Variants in KMT2D observed in about 807,000 individuals in gnomAD.
KMT2D encodes histone-lysine N-methyltransferase 2D.
Under a neutral mutation model 512.7 loss-of-function variants are expected in KMT2D, and 55 were observed. The ratio of observed to expected loss-of-function variants is 0.11; its 90% CI spans 0.09 to 0.13. The LOEUF is 0.13. Ranked by LOEUF, KMT2D falls within the 10% of genes least tolerant of loss-of-function variation. The pLI is 1.00. For missense variants in KMT2D, 6,061 were observed against 7,127.9 expected, an observed-to-expected ratio of 0.85 and a Z score of 5.39; for synonymous variants, 2,995 against 2,904.0, an observed-to-expected ratio of 1.03 and a Z score of -1.01.
Position 49,019,239 on chromosome 12 carries a change from A to G in KMT2D, c.*2541T>C. 2 of 889,672 alleles carry G rather than the reference A, an allele frequency of 2.2e-6. No individual in the cohort carries two copies. The highest frequency in any genetic ancestry group is 2.8e-6 in the Non-Finnish European group (2 of 718,704). 55.1% of individuals were successfully genotyped at this position (889,672 alleles called of 1,614,324 possible). Reference sequence around the variant, plus strand: ...ACAAAATAAAGTCTTCACGGGATTCACACTTGTCAGCGATTTATTTTTTAA... The same window carrying G: ...ACAAAATAAAGTCTTCACGGGATTCGCACTTGTCAGCGATTTATTTTTTAA... On this transcript the variant is annotated 3_prime_UTR_variant, in exon 55 of 55. Transcript: ENST00000301067.
In KMT2D at chr12:49,026,784, T is replaced by C. The variant is rs1403030708; in HGVS notation, c.15182A>G (p.Asn5061Ser). ...CACCTCCGTGGACCAAAGGGCACAG[T>C]TGAGGTGCACCCACAGGTCCAGGTC... Reference protein sequence around the residue: ...NLDLDLWVHLNCALWSTEVYE... With the variant: ...NLDLDLWVHLSCALWSTEVYE... Residue 5061 changes from asparagine (N) to serine (S), a missense_variant, in exon 49 of 55, where the codon AAC (asparagine) becomes AGC (serine). Asn to Ser is a conservative substitution (Grantham distance 46). This residue lies in a region of KMT2D where 14 missense variants were observed against 53.4 expected (regional missense o/e 0.26). Coordinates refer to ENST00000301067, the MANE Select transcript of KMT2D (RefSeq NM_003482.4). This position sits in a 1 kb window ranked among gnomAD's most constrained non-coding sequence, Gnocchi z 9.6. 6.2e-6 allele frequency: 10 copies of C among 1,612,720 alleles called. No individual in the cohort carries two copies. Among genetic ancestry groups the C allele is most frequent in the Non-Finnish European group, 7.6e-6 (9 of 1,178,780 alleles).
chr12:49,050,002 G>A lies in KMT2D; in HGVS notation c.3586C>T (p.Pro1196Ser), dbSNP rs2120644176. The A allele has an allele frequency of 6.2e-7, 1 of 1,613,948 alleles. No individual in the cohort carries two copies. Among genetic ancestry groups the A allele is most frequent in the Non-Finnish European group, 8.5e-7 (1 of 1,179,896 alleles). ...ATGTCGGATTTGATGAGAGTGGGTG[G>A]TGTGGGGGCCACCGGTGCACGTGGC... Reference protein sequence around the residue: ...EEPRAPVAPTPPTLIKSDIVN... With the variant: ...EEPRAPVAPTSPTLIKSDIVN... Residue 1196 changes from proline to serine, a missense_variant, in exon 12 of 55, where the codon CCA (proline) becomes TCA (serine). Around this residue, in one of 16 missense-constraint regions of KMT2D, gnomAD observed 447 missense variants for 500.1 expected, o/e 0.89. Transcript: ENST00000301067.
In KMT2D at chr12:49,050,543, G is replaced by A. The variant is rs370440607; in HGVS notation, c.3045C>T (p.Ile1015=). 3.9e-5 allele frequency: 62 copies of A among 1,606,290 alleles called. No individual in the cohort carries two copies. In the African/African-American group the frequency reaches 8.0e-4, roughly 21 times the overall value. The change falls in exon 12 of 55, where the codon ATC becomes ATT. Residue 1015 remains isoleucine (I), a synonymous_variant. Transcript: ENST00000301067. ...ACTGAGGAGGAAGGGGCTCCATCAG[G>A]ATGGGAGAAGCCGGCCCCACTGGGG... ...PGSPVGPASP[I]LMEPLPPQCS...
Position 49,031,791 on chromosome 12 carries a change from A to T in KMT2D, c.12914T>A (p.Val4305Asp), listed in dbSNP as rs2120424560. The T allele has an allele frequency of 6.2e-7, 1 of 1,607,078 alleles. No individual in the cohort carries two copies. The highest frequency in any genetic ancestry group is 8.5e-7 in the Non-Finnish European group (1 of 1,176,260). ...ALSTGPVLGPVHPTPPPSSPQ... is the reference protein window; with the variant it reads ...ALSTGPVLGPDHPTPPPSSPQ... ...GCTGGATGGTGGAGGTGTGGGATGGACAGGGCCAAGGACTGGTCCTGTAGA... is the reference window on the plus strand; with the variant it reads ...GCTGGATGGTGGAGGTGTGGGATGGTCAGGGCCAAGGACTGGTCCTGTAGA... The change falls in exon 40 of 55, where the codon GTC becomes GAC. Residue 4305 changes from valine to aspartate, a missense_variant. Transcript: ENST00000301067.
Position 49,034,939 on chromosome 12 carries a change from G to A in KMT2D, c.10232-4C>T, listed in dbSNP as rs886043599. ...TCTGCAGCAAATTTGTCCAGGTCTGGAGAGGGGAGAACCAAGTGAGCTGGG... is the reference window on the plus strand; with the variant it reads ...TCTGCAGCAAATTTGTCCAGGTCTGAAGAGGGGAGAACCAAGTGAGCTGGG... On this transcript the variant is annotated splice_polypyrimidine_tract_variant and splice_region_variant and intron_variant, in intron 35 of 54. Coordinates refer to ENST00000301067, the MANE Select transcript of KMT2D (RefSeq NM_003482.4). The A allele has an allele frequency of 2.5e-6, 4 of 1,613,902 alleles. No individual in the cohort carries two copies. Among genetic ancestry groups the A allele is most frequent in the Non-Finnish European group, 3.4e-6 (4 of 1,179,856 alleles).
rs375538882 is a variant in KMT2D, at chr12:49,051,373, CAGGTGTGGCTCCTCAGCCTGCGGAGAT to C, written c.2283_2309del (p.Ala765_Gln773del). 7.1e-4 allele frequency: 1,143 copies of C among 1,610,820 alleles called. 11 individuals are homozygous for C. The African/African-American group carries it at 0.012, about 16-fold the overall frequency. Reference sequence around the variant, plus strand: ...GGCATGGCTCCTCAGGCTGGGGGGACAGGTGTGGCTCCTCAGCCTGCGGAGATAGGTGTGGCTCCTCAGGCCGGGGGG... The same window carrying C: ...GGCATGGCTCCTCAGGCTGGGGGGACAGGTGTGGCTCCTCAGGCCGGGGGG... On this transcript the variant is annotated inframe_deletion, in exon 11 of 55. Transcript: ENST00000301067.
chr12:49,039,043 AC>A lies in KMT2D; in HGVS notation c.8367-55del, dbSNP rs1943361187. ...TGAAATCAGATGAAAAGGAGCAAGA[AC>A]ATGGGCTTAGGGCAGTGAGGAAGGA... is the stretch of plus-strand genomic sequence containing the variant. On this transcript the variant is annotated intron_variant, in intron 34 of 54. Coordinates refer to ENST00000301067, the MANE Select transcript of KMT2D (RefSeq NM_003482.4). This position sits in a 1 kb window ranked among gnomAD's most constrained non-coding sequence, Gnocchi z 5.0. 22 of 1,540,940 alleles carry A rather than the reference AC, an allele frequency of 1.4e-5. No homozygotes were observed. The highest frequency in any genetic ancestry group is 1.9e-5 in the Admixed American group (1 of 51,728).
rs1555187179 is a variant in KMT2D at position 49,030,755 on chromosome 12, A to T, written c.13685T>A (p.Leu4562Gln). Reference protein sequence around the residue: ...LKQLKQELSLLPLTEPAITAN... With the variant: ...LKQLKQELSLQPLTEPAITAN... The stretch of plus-strand genomic sequence containing the variant: ...GGTGATAGCAGGCTCCGTTAGGGGC[A>T]GCAGGGACAGCTCCTACAAGGGGCA... Residue 4562 changes from leucine to glutamine, a missense_variant, in exon 42 of 55, where the codon CTG (leucine) becomes CAG (glutamine). Transcript: ENST00000301067. The T allele has an allele frequency of 6.2e-7, 1 of 1,613,548 alleles. No homozygotes were observed. The highest frequency in any genetic ancestry group is 8.5e-7 in the Non-Finnish European group (1 of 1,179,860).
In KMT2D at chr12:49,053,048, CA is replaced by C; in HGVS notation, c.978del (p.Cys326TrpfsTer8). 1 of 1,614,050 alleles carries C rather than the reference CA, an allele frequency of 6.2e-7. No individual in the cohort carries two copies. Among genetic ancestry groups the C allele is most frequent in the Non-Finnish European group, 8.5e-7 (1 of 1,179,888 alleles). On this transcript the variant is annotated frameshift_variant, in exon 9 of 55. Coordinates refer to ENST00000301067, the MANE Select transcript of KMT2D (RefSeq NM_003482.4). LOFTEE classifies it high-confidence loss of function. ...GGATTCAGTTCTGCTGAGCCCGCCC[CA>C]CAGGCCCGGCACACCCGGCACGCCT... Reference protein sequence around the residue: ...KCKACRVCRACGAGSAELNPN... With the variant: ...KCKACRVCRAXGAGSAELNPN...
rs1406984753 is a variant in KMT2D at position 49,038,805 on chromosome 12, C to A, written c.8551G>T (p.Gly2851Cys). ...PGPELGRQAL[G>C]SPLAGISTRL... ...GTGGAAATTCCCGCCAACGGGGAAC[C>A]TAGGGCTTGGCGGCCAAGTTCAGGT... The change falls in exon 35 of 55, where the codon GGT (glycine) becomes TGT (cysteine). Residue 2851 changes from glycine (G) to cysteine (C), a missense_variant. Physicochemically the swap from Gly to Cys is radical, Grantham distance 159. Transcript: ENST00000301067. The surrounding 1 kb of genome is among the most constrained non-coding windows in gnomAD (Gnocchi z 5.7). The A allele has an allele frequency of 1.3e-6, 2 of 1,576,998 alleles. No individual in the cohort carries two copies. The highest frequency in any genetic ancestry group is 1.7e-6 in the Non-Finnish European group (2 of 1,161,042).
rs1205642887 is a variant in KMT2D, at chr12:49,050,781, G to A, written c.2807C>T (p.Pro936Leu). 1 of 1,602,840 alleles carries A rather than the reference G, an allele frequency of 6.2e-7. No individual in the cohort carries two copies. The highest frequency in any genetic ancestry group is 2.2e-5 in the East Asian group (1 of 44,556). ...SPQLMPPDPL[P>L]PPLSPIITAA... ...TGTGATGATGGGTGAGAGTGGAGGAGGAAGGGGATCTGGAAGGAAAGAGAA... is the reference window on the plus strand; with the variant it reads ...TGTGATGATGGGTGAGAGTGGAGGAAGAAGGGGATCTGGAAGGAAAGAGAA... Residue 936 changes from proline to leucine, a missense_variant, in exon 12 of 55, where the codon CCT (proline) becomes CTT (leucine). Around this residue, in one of 16 missense-constraint regions of KMT2D, gnomAD observed 848 missense variants for 838.5 expected, o/e 1.01. Coordinates refer to ENST00000301067, the MANE Select transcript of KMT2D (RefSeq NM_003482.4).
At position 49,040,727 on chromosome 12, in the gene KMT2D, C is replaced by A; in HGVS notation, c.7043G>T (p.Arg2348Met). 1 of 1,613,516 alleles carries A rather than the reference C, an allele frequency of 6.2e-7. No individual in the cohort carries two copies. Among genetic ancestry groups the A allele is most frequent in the Non-Finnish European group, 8.5e-7 (1 of 1,179,738 alleles). ...VEPQSPGLGL[R>M]PQEPPPAQAL... ...CTGGGCAGGGGGTGGCTCCTGGGGC[C>A]TTAGGCCCAAGCCCGGGCTCTGGGG... The change falls in exon 32 of 55, where the codon AGG becomes ATG. Residue 2348 changes from arginine to methionine, a missense_variant. By Grantham distance (91) the Arg-to-Met change is moderately conservative. This residue lies in a region of KMT2D where 710 missense variants were observed against 647.3 expected (regional missense o/e 1.10). Transcript: ENST00000301067.
Position 49,031,251 on chromosome 12 carries a change from G to C in KMT2D, c.13454C>G (p.Ala4485Gly), listed in dbSNP as rs980315263. 2.5e-6 allele frequency: 4 copies of C among 1,613,140 alleles called. No individual in the cohort carries two copies. Among genetic ancestry groups the C allele is most frequent in the Non-Finnish European group, 2.5e-6 (3 of 1,179,734 alleles). ...GCTGTCAATGTGCCCGTTGATCTCA[G>C]CTCGCAGCCCCTCGGACCCCCGCCC... ...STGRGSEGLR[A>G]EINGHIDSKL... is the part of the protein sequence containing the mutation. The change falls in exon 40 of 55, where the codon GCT (alanine) becomes GGT (glycine). Residue 4485 changes from alanine to glycine, a missense_variant. By Grantham distance (60) the Ala-to-Gly change is moderately conservative (BLOSUM62 0). Around this residue, in one of 16 missense-constraint regions of KMT2D, gnomAD observed 1,600 missense variants for 1,754.9 expected, o/e 0.91. Transcript: ENST00000301067.
chr12:49,022,458 T>G lies in KMT2D; in HGVS notation c.16339-105A>C. 6.7e-7 allele frequency: 1 copy of G among 1,488,104 alleles called. No individual in the cohort carries two copies. The highest frequency in any genetic ancestry group is 9.3e-7 in the Non-Finnish European group (1 of 1,080,412). The allele number at this position is 1,488,104 out of a possible 1,614,324, so 92.2% of individuals were successfully genotyped here. On this transcript the variant is annotated intron_variant, in intron 52 of 54. Coordinates refer to ENST00000301067, the MANE Select transcript of KMT2D (RefSeq NM_003482.4). The surrounding 1 kb of genome is among the most constrained non-coding windows in gnomAD (Gnocchi z 8.6). ...TCAGGCAGTGGGGGCTTTTGTTGCATGTACTTCATTTCTCCTGCCTTTCCC... is the reference window on the plus strand; with the variant it reads ...TCAGGCAGTGGGGGCTTTTGTTGCAGGTACTTCATTTCTCCTGCCTTTCCC...
chr12:49,053,727 G>T (rs1938229676), intron 6 of KMT2D, 86 bp from the exon 7 acceptor site: 1 of 1,412,394 alleles, frequency 7.1e-7, no homozygotes, highest in South Asian at 1.4e-5. Flanking sequence ...GCACTCCATG[G>T]GCACAGAATG....
Position 49,041,490 on chromosome 12 carries a change from C to A in KMT2D, c.6280G>T (p.Ala2094Ser), listed in dbSNP as rs1232016510. 5 of 1,613,462 alleles carry A rather than the reference C, an allele frequency of 3.1e-6. No homozygotes were observed. Among genetic ancestry groups the A allele is most frequent in the Admixed American group, 1.7e-5 (1 of 59,978 alleles). The change falls in exon 32 of 55, where the codon GCC becomes TCC. Residue 2094 changes from alanine to serine, a missense_variant. Around this residue, in one of 16 missense-constraint regions of KMT2D, gnomAD observed 710 missense variants for 647.3 expected, o/e 1.10. Transcript: ENST00000301067. The surrounding 1 kb of genome is among the most constrained non-coding windows in gnomAD (Gnocchi z 5.4). ...INKQTKVGDI[A>S]RKTDRPALHL... ...AGGGCCGGTCGGTCAGTCTTACGGG[C>A]TATGTCGCCCACCTTGGTCTGCTTG...
chr12:49,022,922 A>T lies in KMT2D; in HGVS notation c.16053-47T>A, dbSNP rs915921150. 29 of 1,508,672 alleles carry T rather than the reference A, an allele frequency of 1.9e-5. No individual in the cohort carries two copies. The highest frequency in any genetic ancestry group is 2.3e-5 in the Non-Finnish European group (26 of 1,122,302). The allele number at this position is 1,508,672 out of a possible 1,614,324, so 93.5% of individuals were successfully genotyped here. ...GACAAGACAGCTCTCCCTCAGACCAAGTACATACCACCCACCTCCTCTGCC... is the reference window on the plus strand; with the variant it reads ...GACAAGACAGCTCTCCCTCAGACCATGTACATACCACCCACCTCCTCTGCC... On this transcript the variant is annotated intron_variant, in intron 51 of 54. Transcript: ENST00000301067. This position sits in a 1 kb window ranked among gnomAD's most constrained non-coding sequence, Gnocchi z 8.6.
intron 42 of KMT2D, 43 bp from the exon 43 acceptor site, chr12:49,030,482 G>T: frequency 1.4e-6 from 2 of 1,381,598 alleles, no homozygotes; most frequent in Non-Finnish European, 2.0e-6. Context: ...GATGGCATAG[G>T]GAGACTGATA....
rs570653051 is a variant in KMT2D at position 49,027,333 on chromosome 12, G to A, written c.14644-11C>T. 8.0e-5 allele frequency: 121 copies of A among 1,510,158 alleles called. 2 individuals are homozygous for A. In the South Asian group the frequency reaches 1.6e-3, roughly 20 times the overall value. 93.5% of individuals were successfully genotyped at this position (1,510,158 alleles called of 1,614,324 possible). ...TGGGGCGGGGCTCTCCTGTAGGAGG[G>A]TGCCCTGTATCATTAGTGCCAGCTC... On this transcript the variant is annotated splice_polypyrimidine_tract_variant and intron_variant, in intron 48 of 54. Transcript: ENST00000301067.
Sources: allele counts gnomAD v4.1 joint callset, GRCh38; gene constraint gnomAD v4.1.1; regional missense constraint gnomAD v4.1.1; non-coding constraint Gnocchi (gnomAD v3.1); transcripts MANE v1.5; gene names NCBI Gene and HGNC (gene_info 2026-07-23, HGNC 2026-07-21).